THSD7B: variants seen among roughly 807,000 people sequenced by gnomAD.
THSD7B encodes thrombospondin type-1 domain-containing protein 7B.
In THSD7B, 138 loss-of-function variants were observed where a neutral mutation model predicts 213.6. The ratio of observed to expected loss-of-function variants is 0.65; its 90% confidence interval spans 0.56 to 0.74. The LOEUF is 0.74. THSD7B is among the 30% of genes least tolerant of loss of function. The pLI is 0.00. For missense variants in THSD7B, 1,931 were observed against 1,991.5 expected, an observed-to-expected ratio of 0.97 and a Z score of 0.58; for synonymous variants, 742 against 687.0, an observed-to-expected ratio of 1.08 and a Z score of -1.25.
intron 17 of THSD7B, among the ~76,000 whole-genome samples, chr2:137,578,032 A>G (rs1681499305): frequency 6.6e-6 from 1 of 152,216 alleles, no homozygotes; most frequent in Non-Finnish European, 1.5e-5. Flanking sequence ...GGCAAAATAT[A>G]TAAACCAACA....
chr2:137,043,869 T>C (rs1686924699), intron 2 of THSD7B, among the ~76,000 whole-genome samples: 1 of 152,204 alleles, frequency 6.6e-6, no homozygotes, highest in Non-Finnish European at 1.5e-5. Context: ...TTAATAAATC[T>C]GTTTCTATAA....
At chr2:136,979,464 A>G (rs528998967) in intron 2 of THSD7B, among the ~76,000 whole-genome samples, 9 of 151,982 alleles carry the variant, frequency 5.9e-5, no homozygotes, top group Admixed American at 3.9e-4. Context: ...ACATCATCCC[A>G]TAGTTGTTGG....
chr2:137,203,405 C>G (rs1348721630), intron 7 of THSD7B, among the ~76,000 whole-genome samples: 3 of 151,786 alleles, frequency 2.0e-5, no homozygotes, highest in Admixed American at 2.0e-4. Context: ...TAATTCAAAC[C>G]TTAGTGAAGT....
At chr2:136,934,218 A>C (rs974309935) in intron 2 of THSD7B, among the ~76,000 whole-genome samples, 29 of 152,186 alleles carry the variant, frequency 1.9e-4, no homozygotes, top group African/African-American at 7.0e-4. Flanking sequence ...AAGCTTTCCA[A>C]AAATAGGTAA....
At chr2:137,624,338 TA>T (rs1682581468) in intron 20 of THSD7B, among the ~76,000 whole-genome samples, 1 of 152,210 alleles carries the variant, frequency 6.6e-6, no homozygotes, top group Admixed American at 6.5e-5. Flanking sequence ...CAAGATGGAT[TA>T]AAGACTTAAA....
chr2:136,865,608 C>T lies in THSD7B; in HGVS notation c.-35-16536C>T, dbSNP rs368661031. 5.9e-5 allele frequency among the ~76,000 whole-genome samples: 9 copies of T among 152,316 alleles called. No homozygotes were observed. In the East Asian group the frequency reaches 1.3e-3, roughly 23 times the overall value. On this transcript the variant is annotated intron_variant, in intron 1 of 27. Transcript: ENST00000409968. ...TTCTATGTTTTAACATTAACTTCAA[C>T]ATTCATTTCTTCTTGTCCATGTGAG... is the stretch of plus-strand genomic sequence containing the variant.
At chr2:137,286,798 G>T (rs1268175228) in intron 12 of THSD7B, among the ~76,000 whole-genome samples, 2 of 152,108 alleles carry the variant, frequency 1.3e-5, no homozygotes, top group Admixed American at 6.5e-5. Context: ...TTATCCACGA[G>T]CTATGGGCAT....
At chr2:137,278,139 G>T (rs953342163) in intron 12 of THSD7B, among the ~76,000 whole-genome samples, 1 of 151,972 alleles carries the variant, frequency 6.6e-6, no homozygotes, top group Non-Finnish European at 1.5e-5. Context: ...TTGAAGGATA[G>T]AGAAATGAGA....
chr2:137,434,007 C>A (rs911510348), intron 14 of THSD7B, among the ~76,000 whole-genome samples: 1 of 152,142 alleles, frequency 6.6e-6, no homozygotes, highest in Non-Finnish European at 1.5e-5. Context: ...CATATATTAG[C>A]TATAACTCTC....
chr2:137,619,549 TTAA>T (rs1244662268), intron 19 of THSD7B, among the ~76,000 whole-genome samples: 1 of 152,234 alleles, frequency 6.6e-6, no homozygotes, highest in African/African-American at 2.4e-5. Context: ...TTTATTTTAT[TTAA>T]TCAGCCTCTA....
intron 25 of THSD7B, among the ~76,000 whole-genome samples, chr2:137,662,229 A>ATT (rs36040861): frequency 0.014 from 1,461 of 101,652 alleles, 62 homozygotes; most frequent in South Asian, 0.016. Context: ...CGCCCGGCTA[A>ATT]TTTTTTTTTT....
intron 17 of THSD7B, among the ~76,000 whole-genome samples, chr2:137,600,433 T>C (rs903010737): frequency 3.3e-5 from 5 of 152,340 alleles, no homozygotes; most frequent in African/African-American, 1.2e-4. Context: ...TCTACTTATA[T>C]ATATTTTTAA....
intron 2 of THSD7B, among the ~76,000 whole-genome samples, chr2:136,929,943 G>A (rs1195015709): frequency 6.6e-6 from 1 of 152,152 alleles, no homozygotes; most frequent in Non-Finnish European, 1.5e-5. Flanking sequence ...AGACAGATGA[G>A]CTTAATCACA....
intron 6 of THSD7B, among the ~76,000 whole-genome samples, chr2:137,168,157 C>A (rs1469505419): frequency 6.6e-6 from 1 of 152,136 alleles, no homozygotes; most frequent in African/African-American, 2.4e-5. Context: ...TATGCATGTG[C>A]CTTTTTCCCT....
intron 12 of THSD7B, among the ~76,000 whole-genome samples, chr2:137,372,554 T>G (rs1230531779): frequency 1.3e-5 from 2 of 151,906 alleles, no homozygotes; most frequent in African/African-American, 2.4e-5. Flanking sequence ...TCAGGACATT[T>G]CAAAGTAGGG....
chr2:137,505,129 A>G (rs999913031), intron 15 of THSD7B, among the ~76,000 whole-genome samples: 1 of 152,138 alleles, frequency 6.6e-6, no homozygotes, highest in Non-Finnish European at 1.5e-5. Flanking sequence ...GCCTGTCCCA[A>G]TTTGCCTGTC....
At chr2:136,972,474 G>T (rs115630772) in intron 2 of THSD7B, among the ~76,000 whole-genome samples, 35 of 152,108 alleles carry the variant, frequency 2.3e-4, no homozygotes, top group Admixed American at 5.9e-4. Context: ...GCATGTATGC[G>T]TGTATGTATT....
At chr2:137,620,294 AGT>A (rs1173687205) in intron 19 of THSD7B, among the ~76,000 whole-genome samples, 1 of 152,164 alleles carries the variant, frequency 6.6e-6, no homozygotes, top group Non-Finnish European at 1.5e-5. Context: ...TTGGCGTTGA[AGT>A]GTCTTTCTGG....
At chr2:136,767,639 A>G (rs1008919123) in intron 1 of THSD7B, among the ~76,000 whole-genome samples, 1 of 152,228 alleles carries the variant, frequency 6.6e-6, no homozygotes, top group Non-Finnish European at 1.5e-5. Flanking sequence ...TGTAGGTGTC[A>G]TTGTTGACTT....
Sources: gnomAD v4.1 joint callset for allele counts (sites outside exome capture counted in the v4.1 genomes callset) on GRCh38, gnomAD v4.1.1 for gene constraint, MANE v1.5 for transcripts, NCBI Gene and HGNC (gene_info 2026-07-23, HGNC 2026-07-21) for gene names.